KIF6: variants seen among roughly 807,000 people sequenced by gnomAD.
The protein encoded by KIF6 is kinesin-like protein KIF6.
KIF6 carries 106 observed loss-of-function variants against 112.7 expected under a neutral mutation model. That is an observed-to-expected ratio of 0.94 (90% CI 0.80 to 1.11). KIF6 has a LOEUF of 1.11. KIF6 is among the 50% of genes least tolerant of loss of function. The pLI, the probability that KIF6 is intolerant of heterozygous loss-of-function variation, is 0.00. For synonymous variants in KIF6, 339 were observed against 339.9 expected, an observed-to-expected ratio of 1.00 and a Z score of 0.03; for missense variants, 929 against 964.0, an observed-to-expected ratio of 0.96 and a Z score of 0.48.
intron 10 of KIF6, among the ~76,000 whole-genome samples, chr6:39,576,362 G>A (rs1017458970): frequency 6.6e-6 from 1 of 152,136 alleles, no homozygotes; most frequent in Non-Finnish European, 1.5e-5. Context: ...GACCTCAGGT[G>A]ATCCACCCGC....
chr6:39,507,395 T>C (rs1776481196), intron 13 of KIF6, among the ~76,000 whole-genome samples: 1 of 152,138 alleles, frequency 6.6e-6, no homozygotes, highest in African/African-American at 2.4e-5. Context: ...GACAAAATAT[T>C]TGGGAGCCAA....
chr6:39,484,093 C>T (rs115599649), intron 13 of KIF6, among the ~76,000 whole-genome samples: 4,269 of 152,246 alleles, frequency 0.028, 204 homozygotes, highest in African/African-American at 0.097. Flanking sequence ...CTTAAAGGAA[C>T]TTACTGCTGC....
chr6:39,431,868 C>T (rs760385484), intron 13 of KIF6, among the ~76,000 whole-genome samples: 3 of 152,172 alleles, frequency 2.0e-5, no homozygotes, highest in Non-Finnish European at 4.4e-5. Context: ...CTCACCACCT[C>T]CCGGAGTGAG....
At position 39,503,209 on chromosome 6, in the gene KIF6, A is replaced by G. The variant is rs115989510; in HGVS notation, c.1645+36794T>C. 1.5e-3 allele frequency among the ~76,000 whole-genome samples: 233 copies of G among 152,332 alleles called. 1 individual carries two copies. Among genetic ancestry groups the G allele is most frequent in the Middle Eastern group, 0.01 (3 of 294 alleles). On this transcript the variant is annotated intron_variant, in intron 13 of 22. Coordinates refer to ENST00000287152, the MANE Select transcript of KIF6 (RefSeq NM_145027.6). ...AATTTACTCCAAATCACACAACTAC[A>G]TGGAAATTGAACAACCTGCTCCTGA...
At chr6:39,419,531 G>A (rs1036856471) in intron 15 of KIF6, among the ~76,000 whole-genome samples, 2 of 152,146 alleles carry the variant, frequency 1.3e-5, no homozygotes, top group Admixed American at 1.3e-4. Context: ...CTTATTGACT[G>A]ATGCTAAAAT....
chr6:39,512,665 T>C (rs538014663), intron 13 of KIF6, among the ~76,000 whole-genome samples: 1 of 152,292 alleles, frequency 6.6e-6, no homozygotes, highest in South Asian at 2.1e-4. Context: ...TGCTTTCATT[T>C]CCCATCAGAA....
chr6:39,561,358 T>C (rs1236914474), intron 10 of KIF6, among the ~76,000 whole-genome samples: 2 of 71,446 alleles, frequency 2.8e-5, no homozygotes, highest in East Asian at 2.6e-4. Context: ...ACTCAAACCA[T>C]TTTTTTTTTT....
At chr6:39,407,473 G>C (rs1769173633) in intron 15 of KIF6, among the ~76,000 whole-genome samples, 1 of 152,174 alleles carries the variant, frequency 6.6e-6, no homozygotes, top group African/African-American at 2.4e-5. Context: ...AAGGATCCTA[G>C]TGTTTGCTAA....
At chr6:39,656,566 T>A (rs1444206869) in intron 3 of KIF6, among the ~76,000 whole-genome samples, 1 of 152,226 alleles carries the variant, frequency 6.6e-6, no homozygotes, top group Non-Finnish European at 1.5e-5. Context: ...TCATTTCCCA[T>A]GATTTCCACA....
chr6:39,502,290 G>C (rs1346479689), intron 13 of KIF6, among the ~76,000 whole-genome samples: 1 of 152,052 alleles, frequency 6.6e-6, no homozygotes, highest in Non-Finnish European at 1.5e-5. Context: ...CAAATGCTGA[G>C]GGAATTTGGT....
At position 39,578,060 on chromosome 6, in the gene KIF6, G is replaced by A; in HGVS notation, c.1177C>T (p.Leu393Phe). The change falls in exon 10 of 23, where the codon CTT (leucine) becomes TTT (phenylalanine). Residue 393 changes from leucine to phenylalanine, a missense_variant. By Grantham distance (22) the Leu-to-Phe change is conservative. This residue lies in a region of KIF6 where 688 missense variants were observed against 662.7 expected (regional missense o/e 1.04). Transcript: ENST00000287152. ...RTEALTEAEL[L>F]QLEKLITSFL... is the part of the protein sequence containing the mutation. ...AAAAAAAGTCTGCAGACTTACTGAA[G>A]GAGCTCTGCTTCTGTGAGTGCCTCT... The A allele has an allele frequency of 5.0e-6, 8 of 1,608,608 alleles. No homozygotes were observed. Among genetic ancestry groups the A allele is most frequent in the Non-Finnish European group, 6.8e-6 (8 of 1,175,612 alleles).
Position 39,612,930 on chromosome 6 carries a change from A to G in KIF6, c.639+259T>C, listed in dbSNP as rs568426789. 7.4e-4 allele frequency among the ~76,000 whole-genome samples: 113 copies of G among 152,342 alleles called. 1 individual carries two copies. The highest frequency in any genetic ancestry group is 1.6e-3 in the Admixed American group (24 of 15,298). ...ATAAAAACTTAAAGGTAGATACACT[A>G]AAGTAGAAAAAGCAGTGGATTGAGA... On this transcript the variant is annotated intron_variant, in intron 6 of 22. Transcript: ENST00000287152.
intron 3 of KIF6, among the ~76,000 whole-genome samples, chr6:39,684,616 CAAA>C (rs58959171): frequency 3.8e-5 from 5 of 130,754 alleles, no homozygotes; most frequent in Admixed American, 7.7e-5. Context: ...ACCTCTGTCT[CAAA>C]AAAAAAAAAA....
At chr6:39,548,780 A>G (rs1779201044) in intron 10 of KIF6, among the ~76,000 whole-genome samples, 1 of 152,212 alleles carries the variant, frequency 6.6e-6, no homozygotes, top group Admixed American at 6.5e-5. Context: ...TCTGCTGAAC[A>G]GTGGAAAACT....
chr6:39,473,043 T>G (rs1407629367), intron 13 of KIF6, among the ~76,000 whole-genome samples: 1 of 152,116 alleles, frequency 6.6e-6, no homozygotes, highest in Non-Finnish European at 1.5e-5. Context: ...TGCGCCACCA[T>G]GCCCAGCTAA....
chr6:39,599,180 C>G (rs1782446481), intron 6 of KIF6, among the ~76,000 whole-genome samples: 1 of 152,092 alleles, frequency 6.6e-6, no homozygotes, highest in African/African-American at 2.4e-5. Flanking sequence ...TAATCTGATT[C>G]AAGATACAAG....
chr6:39,611,783 C>A (rs1287667788), intron 6 of KIF6, among the ~76,000 whole-genome samples: 2 of 152,156 alleles, frequency 1.3e-5, no homozygotes, highest in African/African-American at 2.4e-5. Context: ...CATGCTAAAT[C>A]CTTTGTCATC....
intron 3 of KIF6, among the ~76,000 whole-genome samples, chr6:39,664,695 G>T (rs368076790): frequency 6.6e-6 from 1 of 152,096 alleles, no homozygotes; most frequent in Non-Finnish European, 1.5e-5. Context: ...AGAGTAAGAA[G>T]TTAGAGACGC....
intron 3 of KIF6, among the ~76,000 whole-genome samples, chr6:39,644,338 G>A (rs1785054223): frequency 6.6e-6 from 1 of 152,064 alleles, no homozygotes; most frequent in African/African-American, 2.4e-5. Flanking sequence ...TTAAAAACAT[G>A]TGTCCACACA....
Sources: allele counts gnomAD v4.1 joint callset (sites outside exome capture counted in the v4.1 genomes callset), GRCh38; gene constraint gnomAD v4.1.1; regional missense constraint gnomAD v4.1.1; transcripts MANE v1.5; gene names NCBI Gene and HGNC (gene_info 2026-07-23, HGNC 2026-07-21).